SDK1: variants seen among roughly 807,000 people sequenced by gnomAD.
SDK1 encodes the protein protein sidekick-1.
SDK1 carries 157 observed loss-of-function variants against 245.5 expected under a neutral mutation model. That is an observed-to-expected ratio of 0.64 (90% CI 0.56 to 0.73). The LOEUF (loss-of-function observed/expected upper bound fraction) is 0.73. Among genes scored for constraint, SDK1 ranks in the 30% least tolerant of loss-of-function variants. SDK1 has a pLI of 0.00. For synonymous variants in SDK1, 1,647 were observed against 1,278.5 expected, an observed-to-expected ratio of 1.29 and a Z score of -6.15; for missense variants, 3,583 against 3,002.3, an observed-to-expected ratio of 1.19 and a Z score of -4.52.
intron 38 of SDK1, among the ~76,000 whole-genome samples, chr7:4,211,419 A>C (rs1784505892): frequency 6.6e-6 from 1 of 151,268 alleles, no homozygotes; most frequent in African/African-American, 2.4e-5. Context: ...AGCGGCGAGA[A>C]GGGGAAGGGT....
chr7:4,036,733 A>G (rs554819738), intron 17 of SDK1, among the ~76,000 whole-genome samples: 1 of 152,262 alleles, frequency 6.6e-6, no homozygotes, highest in Non-Finnish European at 1.5e-5. Context: ...AGAGCTAGCT[A>G]GTCCCTTCTG....
intron 1 of SDK1, among the ~76,000 whole-genome samples, chr7:3,587,404 A>T (rs893654235): frequency 1.8e-4 from 28 of 152,024 alleles, no homozygotes; most frequent in Admixed American, 6.6e-5. Context: ...TCAGCTGCAA[A>T]GTGGAGACCC....
intron 4 of SDK1, among the ~76,000 whole-genome samples, chr7:3,755,420 C>T (rs1324586655): frequency 6.6e-6 from 1 of 152,124 alleles, no homozygotes; most frequent in Non-Finnish European, 1.5e-5. Context: ...ACGGTCTGGC[C>T]ATTGTCTGTC....
chr7:3,853,613 G>A (rs1209862732), intron 5 of SDK1, among the ~76,000 whole-genome samples: 2 of 152,012 alleles, frequency 1.3e-5, no homozygotes, highest in African/African-American at 2.4e-5. Context: ...TACCAGTTGA[G>A]CACCCCTAAT....
chr7:3,597,313 A>G (rs544655716), intron 1 of SDK1, among the ~76,000 whole-genome samples: 1 of 148,764 alleles, frequency 6.7e-6, no homozygotes, highest in South Asian at 2.1e-4. Context: ...CAGTCTGTTT[A>G]TGTTATCTAG....
rs59408720 is a variant in SDK1 at position 3,899,792 on chromosome 7, G to A, written c.848-51131G>A. Among the ~76,000 whole-genome samples, 741 of 152,304 alleles carry A rather than the reference G, an allele frequency of 4.9e-3. 7 individuals carry two copies. The highest frequency in any genetic ancestry group is 0.017 in the African/African-American group (699 of 41,578). On this transcript the variant is annotated intron_variant, in intron 5 of 44. Coordinates refer to ENST00000404826, the MANE Select transcript of SDK1 (RefSeq NM_152744.4). Reference sequence around the variant, plus strand: ...TCAGATATCTCCACGCATCCCTGAAGGCTGACACTCCTCTATAGGGGGCGT... The same window carrying A: ...TCAGATATCTCCACGCATCCCTGAAAGCTGACACTCCTCTATAGGGGGCGT...
chr7:3,792,815 C>T (rs1231852346), intron 4 of SDK1, among the ~76,000 whole-genome samples: 1 of 152,178 alleles, frequency 6.6e-6, no homozygotes, highest in Non-Finnish European at 1.5e-5. Context: ...GTACCTCTCA[C>T]TCTTGAGCTT....
At chr7:4,238,768 G>A (rs1012416597) in intron 42 of SDK1, among the ~76,000 whole-genome samples, 2 of 151,170 alleles carry the variant, frequency 1.3e-5, no homozygotes, top group South Asian at 2.1e-4. Flanking sequence ...GGCTGGTCTC[G>A]AACACCTCAC....
At chr7:3,348,486 A>G (rs73048647) in intron 1 of SDK1, among the ~76,000 whole-genome samples, 23,247 of 96,908 alleles carry the variant, frequency 0.24, 2,891 homozygotes, top group African/African-American at 0.42. Context: ...CTCGTAAGGG[A>G]GAACTAAACA....
At chr7:3,648,242 C>T (rs777578054) in intron 4 of SDK1, among the ~76,000 whole-genome samples, 17 of 152,146 alleles carry the variant, frequency 1.1e-4, no homozygotes, top group Non-Finnish European at 2.1e-4. Context: ...CTTTCCTCCA[C>T]GACGTTATTT....
chr7:3,368,305 T>C (rs181629142), intron 1 of SDK1, among the ~76,000 whole-genome samples: 1 of 152,224 alleles, frequency 6.6e-6, no homozygotes, highest in African/African-American at 2.4e-5. Flanking sequence ...GTTCCTGCTA[T>C]TGACATCAAA....
intron 5 of SDK1, among the ~76,000 whole-genome samples, chr7:3,909,825 T>C (rs896683752): frequency 3.9e-5 from 6 of 152,194 alleles, no homozygotes; most frequent in Admixed American, 2.6e-4. Flanking sequence ...CCTCTTCATA[T>C]ATAAATCAGC....
At chr7:3,823,705 A>G (rs1779701552) in intron 5 of SDK1, among the ~76,000 whole-genome samples, 2 of 152,210 alleles carry the variant, frequency 1.3e-5, no homozygotes, top group South Asian at 4.1e-4. Flanking sequence ...CATTGGCACC[A>G]GGTAAAAATG....
intron 1 of SDK1, among the ~76,000 whole-genome samples, chr7:3,613,290 G>A (rs552171657): frequency 6.6e-6 from 1 of 152,160 alleles, no homozygotes; most frequent in African/African-American, 2.4e-5. Flanking sequence ...AGATAGATGG[G>A]TCATGGTCCC....
intron 4 of SDK1, among the ~76,000 whole-genome samples, chr7:3,704,525 T>A (rs995714880): frequency 1.3e-5 from 2 of 152,134 alleles, no homozygotes; most frequent in African/African-American, 4.8e-5. Flanking sequence ...GTCCACTGTT[T>A]GATGATGATA....
At chr7:3,956,327 G>A (rs762142921) in intron 7 of SDK1, among the ~76,000 whole-genome samples, 5 of 152,194 alleles carry the variant, frequency 3.3e-5, no homozygotes, top group African/African-American at 9.7e-5. Flanking sequence ...CATTTCCTCC[G>A]GTTCTTTGCC....
chr7:4,260,474 G>A (rs1236563594), intron 44 of SDK1, among the ~76,000 whole-genome samples: 3 of 139,174 alleles, frequency 2.2e-5, no homozygotes, highest in Admixed American at 7.0e-5. Context: ...CTGTGTGTGT[G>A]GGAAGATGTG....
intron 1 of SDK1, among the ~76,000 whole-genome samples, chr7:3,426,474 A>G (rs1779680809): frequency 6.6e-6 from 1 of 152,196 alleles, no homozygotes; most frequent in Non-Finnish European, 1.5e-5. Flanking sequence ...CCTTCTCTCT[A>G]AATGGTGATA....
chr7:3,521,585 G>A (rs73035942), intron 1 of SDK1, among the ~76,000 whole-genome samples: 14,710 of 152,192 alleles, frequency 0.097, 965 homozygotes, highest in African/African-American at 0.18. Context: ...AGAAAAATTA[G>A]TGAAGATGGA....
Sources: allele counts gnomAD v4.1 joint callset (sites outside exome capture counted in the v4.1 genomes callset), GRCh38; gene constraint gnomAD v4.1.1; transcripts MANE v1.5; gene names NCBI Gene and HGNC (gene_info 2026-07-23, HGNC 2026-07-21).